The following PRIM2 variants were observed in gnomAD, a reference collection of about 807,000 sequenced individuals.
PRIM2 encodes the protein DNA primase large subunit.
A neutral mutation model predicts 67.3 loss-of-function variants in PRIM2; 39 were observed. That is an observed-to-expected ratio of 0.58 (90% confidence interval 0.45 to 0.76). The LOEUF is 0.76. Ranked by LOEUF, PRIM2 falls within the 30% of genes least tolerant of loss-of-function variation. The pLI is 0.00. For missense variants in PRIM2, 398 were observed against 598.7 expected (o/e 0.66, Z 3.50); for synonymous variants, 143 against 198.7 (o/e 0.72, Z 2.36).
rs1581828972 is a variant in PRIM2 at position 57,362,601 on chromosome 6, T to G, written c.460-17300T>G. 2.6e-5 allele frequency among the ~76,000 whole-genome samples: 4 copies of G among 152,282 alleles called. No individual in the cohort carries two copies. The South Asian group carries it at 8.3e-4, about 32-fold the overall frequency. On this transcript the variant is annotated intron_variant, in intron 5 of 13. Coordinates refer to ENST00000615550, the MANE Select transcript of PRIM2 (RefSeq NM_000947.5). ...GAAAATGTCCAAGATGCTGCATGAT[T>G]TAGAAATGTAGAACCAAGTTAAGTT...
intron 13 of PRIM2, among the ~76,000 whole-genome samples, chr6:57,636,180 C>T (rs2127500371): frequency 6.6e-6 from 1 of 151,842 alleles, no homozygotes; most frequent in East Asian, 1.9e-4. Flanking sequence ...CTAATAGTAA[C>T]CAAAAAAGAA....
intron 10 of PRIM2, among the ~76,000 whole-genome samples, chr6:57,585,339 A>G (rs1776169861): frequency 6.6e-6 from 1 of 152,260 alleles, no homozygotes; most frequent in African/African-American, 2.4e-5. Context: ...TGTACATTAC[A>G]GTAGTTAAAG....
intron 5 of PRIM2, among the ~76,000 whole-genome samples, chr6:57,350,799 T>C (rs1320994896): frequency 1.3e-5 from 2 of 152,180 alleles, no homozygotes; most frequent in Non-Finnish European, 2.9e-5. Context: ...TTTACTTTTG[T>C]GGACGTTTCC....
chr6:57,263,027 T>A, the PRIM2 span, among the ~76,000 whole-genome samples: 1 of 152,136 alleles, frequency 6.6e-6, no homozygotes, highest in Non-Finnish European at 1.5e-5. Context: ...CAGAGTCCAA[T>A]CCATTTATAT....
At chr6:57,442,162 C>G (rs1772221226) in intron 7 of PRIM2, among the ~76,000 whole-genome samples, 1 of 151,996 alleles carries the variant, frequency 6.6e-6, no homozygotes, top group South Asian at 2.1e-4. Context: ...CTTCCTTTTT[C>G]TCCTGGTCTG....
intron 7 of PRIM2, among the ~76,000 whole-genome samples, chr6:57,466,720 G>GT (rs1773204086): frequency 6.6e-6 from 1 of 152,172 alleles, no homozygotes; most frequent in Non-Finnish European, 1.5e-5. Context: ...GATATTAGCT[G>GT]TTTGTCAGAT....
At chr6:57,596,001 C>G (rs1428935580) in intron 10 of PRIM2, among the ~76,000 whole-genome samples, 3 of 152,000 alleles carry the variant, frequency 2.0e-5, no homozygotes, top group South Asian at 2.1e-4. Context: ...CAAGAGTCAC[C>G]TCATTAGAAC....
In PRIM2 at chr6:57,403,249, A is replaced by ATT. The variant is rs71299587; in HGVS notation, c.693+21104_693+21105dup. The stretch of plus-strand genomic sequence containing the variant: ...TTTGAAGGGATAGTTCAGGTGAAGA[A>ATT]TTTTTTTTTTTTTTTTTTTTTTTTG... On this transcript the variant is annotated intron_variant, in intron 7 of 13. Coordinates refer to ENST00000615550, the MANE Select transcript of PRIM2 (RefSeq NM_000947.5). Among the ~76,000 whole-genome samples the ATT allele has an allele frequency of 5.2e-3, 576 of 110,118 alleles. 6 individuals are homozygous for ATT. The highest frequency in any genetic ancestry group is 0.015 in the African/African-American group (407 of 27,722). 72.2% of individuals were successfully genotyped at this position (110,118 alleles called of 152,430 possible). A position where few individuals can be genotyped will look rare whatever the true frequency, so the allele number is the denominator to read the frequency against.
intron 12 of PRIM2, among the ~76,000 whole-genome samples, chr6:57,615,608 A>T (rs1776742392): frequency 1.3e-5 from 2 of 152,050 alleles, no homozygotes; most frequent in South Asian, 4.1e-4. Flanking sequence ...TTAATAGAAA[A>T]ATTGGGGCTG....
At chr6:57,240,106 T>TG in the PRIM2 span, among the ~76,000 whole-genome samples, 19,090 of 146,064 alleles carry the variant, frequency 0.13, 1,450 homozygotes, top group Middle Eastern at 0.22. Flanking sequence ...TTTTTTTTTT[T>TG]TTTTTTTTTT....
At chr6:57,343,508 C>G (rs13218946) in intron 5 of PRIM2, among the ~76,000 whole-genome samples, 3 of 152,104 alleles carry the variant, frequency 2.0e-5, no homozygotes, top group South Asian at 2.1e-4. Context: ...AATAAGGAGT[C>G]TGGTGGAACA....
At chr6:57,263,310 G>A in the PRIM2 span, among the ~76,000 whole-genome samples, 1 of 152,156 alleles carries the variant, frequency 6.6e-6, no homozygotes, top group African/African-American at 2.4e-5. Context: ...CACAGTTCTG[G>A]AGGCTGGAAG....
the PRIM2 span, among the ~76,000 whole-genome samples, chr6:57,293,460 A>T: frequency 6.6e-6 from 1 of 152,196 alleles, no homozygotes; most frequent in Non-Finnish European, 1.5e-5. Context: ...TAGAAATACG[A>T]TTTGACCCAG....
intron 10 of PRIM2, among the ~76,000 whole-genome samples, chr6:57,563,790 A>G (rs1486984106): frequency 2.6e-5 from 4 of 152,036 alleles, no homozygotes; most frequent in Non-Finnish European, 5.9e-5. Flanking sequence ...CCTCCCGAGT[A>G]TCTGGGATTA....
chr6:57,425,112 TA>T (rs1771579057), intron 7 of PRIM2, among the ~76,000 whole-genome samples: 1 of 152,236 alleles, frequency 6.6e-6, no homozygotes, highest in African/African-American at 2.4e-5. Context: ...TCACTTAAAA[TA>T]TGTTCTGTGT....
chr6:57,520,542 T>G (rs1194001531), intron 8 of PRIM2, among the ~76,000 whole-genome samples: 1 of 152,128 alleles, frequency 6.6e-6, no homozygotes, highest in African/African-American at 2.4e-5. Context: ...AAAATAGATA[T>G]GTTTGTTGGG....
At chr6:57,490,876 A>G (rs1298816473) in intron 7 of PRIM2, among the ~76,000 whole-genome samples, 1 of 152,236 alleles carries the variant, frequency 6.6e-6, no homozygotes, top group African/African-American at 2.4e-5. Flanking sequence ...TGTTGGGATT[A>G]CAGGTGTGAG....
chr6:57,631,071 C>A (rs1167004567), intron 12 of PRIM2, among the ~76,000 whole-genome samples: 2 of 152,076 alleles, frequency 1.3e-5, no homozygotes, highest in African/African-American at 4.8e-5. Flanking sequence ...CAGAGAAAAA[C>A]AATTTTTGAA....
chr6:57,335,397 C>T (rs1581800698), intron 5 of PRIM2, among the ~76,000 whole-genome samples: 1 of 152,222 alleles, frequency 6.6e-6, no homozygotes, highest in East Asian at 1.9e-4. Context: ...GTAGGCTCCA[C>T]CTCTGGGGGC....
Sources: allele counts gnomAD v4.1 joint callset (sites outside exome capture counted in the v4.1 genomes callset), GRCh38; gene constraint gnomAD v4.1.1; transcripts MANE v1.5; gene names NCBI Gene and HGNC (gene_info 2026-07-23, HGNC 2026-07-21).